FER: variants seen among roughly 807,000 people sequenced by gnomAD.
FER encodes the protein tyrosine-protein kinase Fer.
In FER, 63 loss-of-function variants were observed where a neutral mutation model predicts 111.0. The observed-to-expected ratio is 0.57, with a 90% confidence interval of 0.46 to 0.70. FER has a LOEUF of 0.70. Ranked by LOEUF, FER falls within the 30% of genes least tolerant of loss-of-function variation. The probability of loss-of-function intolerance (pLI) is 0.00; values close to 1 mark genes in which losing one functional copy is unlikely to be tolerated. For missense variants in FER, 914 were observed against 954.0 expected (o/e 0.96, Z 0.55); for synonymous variants, 327 against 313.9 (o/e 1.04, Z -0.44).
chr5:108,761,573 A>T (rs1580403170), intron 1 of FER, among the ~76,000 whole-genome samples: 1 of 152,354 alleles, frequency 6.6e-6, no homozygotes, highest in Non-Finnish European at 1.5e-5. Flanking sequence ...AAAAAGTTTG[A>T]AATATTGTAA....
intron 17 of FER, among the ~76,000 whole-genome samples, chr5:109,103,155 T>G (rs1225332866): frequency 6.6e-6 from 1 of 152,124 alleles, no homozygotes; most frequent in Non-Finnish European, 1.5e-5. Context: ...CATTTTTATA[T>G]GCCAAAACAT....
At chr5:108,982,587 A>G (rs1762124106) in intron 13 of FER, among the ~76,000 whole-genome samples, 1 of 152,126 alleles carries the variant, frequency 6.6e-6, no homozygotes, top group African/African-American at 2.4e-5. Flanking sequence ...ATTCTGCATT[A>G]ACACTATTTT....
intron 3 of FER, among the ~76,000 whole-genome samples, chr5:108,813,526 T>C (rs1050454143): frequency 2.0e-5 from 3 of 152,300 alleles, no homozygotes; most frequent in African/African-American, 7.2e-5. Context: ...CGTATGGATT[T>C]GGCTGTTTAA....
intron 13 of FER, among the ~76,000 whole-genome samples, chr5:109,036,601 C>T (rs1770433740): frequency 6.6e-6 from 1 of 151,930 alleles, no homozygotes; most frequent in South Asian, 2.1e-4. Context: ...GGATACTCTT[C>T]CTCCAACTCT....
chr5:108,770,013 A>G (rs922115728), intron 2 of FER, among the ~76,000 whole-genome samples: 2 of 152,140 alleles, frequency 1.3e-5, no homozygotes, highest in African/African-American at 2.4e-5. Flanking sequence ...CAATGGCACA[A>G]TCTCGATTCA....
intron 13 of FER, among the ~76,000 whole-genome samples, chr5:109,023,102 G>A (rs1455901101): frequency 4.6e-5 from 7 of 152,132 alleles, no homozygotes; most frequent in African/African-American, 1.7e-4. Flanking sequence ...AGTGACCTGT[G>A]GAAGGAAATG....
chr5:108,814,961 A>G (rs1655089622), intron 3 of FER, among the ~76,000 whole-genome samples: 2 of 151,872 alleles, frequency 1.3e-5, no homozygotes, highest in African/African-American at 4.8e-5. Flanking sequence ...CCTGGTTTCT[A>G]TTTTTTCTTC....
At chr5:108,890,098 C>T (rs566515619) in intron 9 of FER, among the ~76,000 whole-genome samples, 19 of 152,002 alleles carry the variant, frequency 1.2e-4, no homozygotes, top group Non-Finnish European at 2.4e-4. Context: ...AGCCACACTT[C>T]CTTCAGTCCA....
At chr5:109,007,508 A>G (rs1181836231) in intron 13 of FER, among the ~76,000 whole-genome samples, 1 of 152,186 alleles carries the variant, frequency 6.6e-6, no homozygotes. Context: ...AGAATGTCAT[A>G]TACAAGGAAT....
chr5:109,013,325 C>T (rs994486641), intron 13 of FER, among the ~76,000 whole-genome samples: 43 of 147,148 alleles, frequency 2.9e-4, no homozygotes, highest in African/African-American at 9.8e-4. Context: ...TGAGAACTTG[C>T]GGTGTTTGGT....
In FER at chr5:108,865,205, G is replaced by C. The variant is rs536843263; in HGVS notation, c.482-2562G>C. 4.6e-5 allele frequency among the ~76,000 whole-genome samples: 7 copies of C among 152,234 alleles called. No homozygotes were observed. The South Asian group carries it at 1.5e-3, about 32-fold the overall frequency. On this transcript the variant is annotated intron_variant, in intron 5 of 19. Coordinates refer to ENST00000281092, the MANE Select transcript of FER (RefSeq NM_005246.4). ...CTTGTGATTTTTGCACATTGATTTTGTATCCTGAGACTTTGCTGAAGTTGC... is the reference window on the plus strand; with the variant it reads ...CTTGTGATTTTTGCACATTGATTTTCTATCCTGAGACTTTGCTGAAGTTGC...
intron 5 of FER, among the ~76,000 whole-genome samples, chr5:108,855,918 A>C (rs549357927): frequency 6.6e-6 from 1 of 152,140 alleles, no homozygotes; most frequent in Non-Finnish European, 1.5e-5. Context: ...TACGGAATTA[A>C]CTGGAAGAAG....
chr5:108,990,239 TG>T (rs1763012045), intron 13 of FER, among the ~76,000 whole-genome samples: 1 of 151,932 alleles, frequency 6.6e-6, no homozygotes. Flanking sequence ...GAAGGAAACA[TG>T]ATTTTGCTAG....
chr5:108,816,940 A>T (rs2150092082), intron 3 of FER, among the ~76,000 whole-genome samples: 1 of 151,708 alleles, frequency 6.6e-6, no homozygotes, highest in African/African-American at 2.4e-5. Context: ...CATCTCTACC[A>T]AAAATAAAAG....
At chr5:109,050,630 G>T (rs1367835935) in intron 16 of FER, among the ~76,000 whole-genome samples, 2 of 152,210 alleles carry the variant, frequency 1.3e-5, no homozygotes, top group Non-Finnish European at 2.9e-5. Context: ...AAAAGTGATG[G>T]TAATGATATG....
intron 13 of FER, among the ~76,000 whole-genome samples, chr5:109,029,239 TCTTAC>T (rs1020656678): frequency 2.0e-5 from 3 of 147,418 alleles, no homozygotes; most frequent in Non-Finnish European, 3.0e-5. Context: ...TTTTTTTTCT[TCTTAC>T]CTTTTTTTTT....
Position 109,130,985 on chromosome 5 carries a change from A to G in FER, c.2048+30466A>G, listed in dbSNP as rs545064154. On this transcript the variant is annotated intron_variant, in intron 17 of 19. Transcript: ENST00000281092. ...CTTCATACTTTTCATTTATATACTC[A>G]TCTCTTAAATTGTGTGCTCTTCAAC... 3.3e-5 allele frequency among the ~76,000 whole-genome samples: 5 copies of G among 152,176 alleles called. No individual in the cohort carries two copies. The South Asian group carries it at 6.2e-4, about 19-fold the overall frequency.
chr5:108,912,211 G>A (rs995335920), intron 10 of FER, among the ~76,000 whole-genome samples: 14 of 152,176 alleles, frequency 9.2e-5, no homozygotes, highest in African/African-American at 2.9e-4. Flanking sequence ...GTGTGAAAAC[G>A]GACTAATACA....
chr5:108,832,454 G>A (rs6880284), intron 3 of FER, among the ~76,000 whole-genome samples: 63,836 of 151,884 alleles, frequency 0.42, 14,965 homozygotes, highest in African/African-American at 0.63. Context: ...TGGCAGAGCA[G>A]TATTTCAGTG....
Sources: gnomAD v4.1 joint callset for allele counts (sites outside exome capture counted in the v4.1 genomes callset) on GRCh38, gnomAD v4.1.1 for gene constraint, MANE v1.5 for transcripts, NCBI Gene and HGNC (gene_info 2026-07-23, HGNC 2026-07-21) for gene names.